STXBP5L: variants seen among roughly 807,000 people sequenced by gnomAD.
STXBP5L encodes the protein syntaxin binding protein 5L, also known as syntaxin-binding protein 5-like.
STXBP5L carries 65 observed loss-of-function variants against 144.5 expected under a neutral mutation model. The observed-to-expected ratio is 0.45, with a 90% confidence interval of 0.37 to 0.55. The LOEUF is 0.55. Among genes scored for constraint, STXBP5L ranks in the 20% least tolerant of loss-of-function variants. STXBP5L has a pLI of 0.00. For synonymous variants in STXBP5L, 505 were observed against 469.6 expected, an observed-to-expected ratio of 1.08 and a Z score of -0.97; for missense variants, 1,298 against 1,405.5, an observed-to-expected ratio of 0.92 and a Z score of 1.22.
At chr3:121,306,753 TAAG>T (rs1002016655) in intron 19 of STXBP5L, among the ~76,000 whole-genome samples, 3 of 152,180 alleles carry the variant, frequency 2.0e-5, no homozygotes, top group African/African-American at 7.2e-5. Flanking sequence ...ACGAGACTGC[TAAG>T]AAGAGCCTTC....
chr3:121,252,008 C>T (rs1223046968), intron 15 of STXBP5L, among the ~76,000 whole-genome samples: 1 of 152,138 alleles, frequency 6.6e-6, no homozygotes, highest in Non-Finnish European at 1.5e-5. Context: ...GAACAAAATT[C>T]ATTGCATAGT....
At chr3:120,967,225 A>C (rs1219890102) in intron 3 of STXBP5L, among the ~76,000 whole-genome samples, 1 of 152,120 alleles carries the variant, frequency 6.6e-6, no homozygotes, top group Non-Finnish European at 1.5e-5. Context: ...TGGCTAGGAA[A>C]GGGAAATTTC....
chr3:120,909,654 A>C lies in STXBP5L; in HGVS notation c.76A>C (p.Ser26Arg), dbSNP rs1708722330. Residue 26 changes from serine to arginine, a missense_variant, in exon 2 of 27, where the codon AGT (serine) becomes CGT (arginine). Physicochemically the swap from Ser to Arg is moderately radical, Grantham distance 110. Transcript: ENST00000471454. ...CCCTGGCAGTGGTAGCAGCAGTGGC[A>C]GTAACAGTGGTGGTGGGGCTGGAAG... ...SSPGSGSSSGSNSGGGAGSGS... is the reference protein window; with the variant it reads ...SSPGSGSSSGRNSGGGAGSGS... The C allele has an allele frequency of 1.2e-6, 2 of 1,613,890 alleles. No homozygotes were observed. Among genetic ancestry groups the C allele is most frequent in the Non-Finnish European group, 8.5e-7 (1 of 1,179,924 alleles).
intron 3 of STXBP5L, among the ~76,000 whole-genome samples, chr3:120,981,305 T>C (rs943177692): frequency 6.6e-6 from 1 of 152,152 alleles, no homozygotes; most frequent in African/African-American, 2.4e-5. Flanking sequence ...TTTAATACTT[T>C]TTACATCTTC....
chr3:121,309,787 A>T (rs971791687), intron 19 of STXBP5L, among the ~76,000 whole-genome samples: 2 of 152,162 alleles, frequency 1.3e-5, no homozygotes, highest in Non-Finnish European at 2.9e-5. Context: ...ACAGTCCTAT[A>T]AAAAAATCTA....
chr3:121,261,212 G>A (rs567561161), intron 18 of STXBP5L, among the ~76,000 whole-genome samples: 2 of 152,178 alleles, frequency 1.3e-5, no homozygotes, highest in East Asian at 1.9e-4. Flanking sequence ...GAACTGTGGA[G>A]GTGAAAGTTA....
At chr3:121,060,163 T>C (rs898078584) in intron 5 of STXBP5L, among the ~76,000 whole-genome samples, 3 of 152,226 alleles carry the variant, frequency 2.0e-5, no homozygotes, top group Admixed American at 2.0e-4. Context: ...CCTAGTTTAC[T>C]GAGTGTTTTT....
At chr3:121,377,549 G>A (rs1266328568) in intron 20 of STXBP5L, among the ~76,000 whole-genome samples, 1 of 152,126 alleles carries the variant, frequency 6.6e-6, no homozygotes, top group Non-Finnish European at 1.5e-5. Flanking sequence ...CTCAAAAGAA[G>A]TGGCCAAAAA....
intron 5 of STXBP5L, among the ~76,000 whole-genome samples, chr3:121,092,673 T>G (rs1330934396): frequency 6.6e-6 from 1 of 152,224 alleles, no homozygotes; most frequent in Non-Finnish European, 1.5e-5. Flanking sequence ...GATTTTGGGC[T>G]GAGACAGTGG....
At chr3:121,002,890 A>AT (rs1255841407) in intron 3 of STXBP5L, among the ~76,000 whole-genome samples, 2 of 152,012 alleles carry the variant, frequency 1.3e-5, no homozygotes, top group Non-Finnish European at 2.9e-5. Context: ...TGAACTCATC[A>AT]TTTTTTATGG....
At chr3:121,118,620 A>G (rs2044330432) in intron 6 of STXBP5L, among the ~76,000 whole-genome samples, 2 of 151,808 alleles carry the variant, frequency 1.3e-5, no homozygotes, top group East Asian at 3.9e-4. Context: ...TCTCAATCAA[A>G]TCTATATTTT....
intron 22 of STXBP5L, among the ~76,000 whole-genome samples, chr3:121,406,576 T>C (rs973159355): frequency 2.0e-5 from 3 of 152,022 alleles, no homozygotes; most frequent in Non-Finnish European, 4.4e-5. Flanking sequence ...CTGGCATACA[T>C]TGTCAACCTT....
At chr3:121,059,352 A>C (rs1006910640) in intron 5 of STXBP5L, among the ~76,000 whole-genome samples, 1 of 152,132 alleles carries the variant, frequency 6.6e-6, no homozygotes, top group Non-Finnish European at 1.5e-5. Context: ...TGTTACCAGT[A>C]CCATGGTGTT....
At chr3:121,026,618 A>T (rs549376636) in intron 3 of STXBP5L, among the ~76,000 whole-genome samples, 1 of 152,066 alleles carries the variant, frequency 6.6e-6, no homozygotes, top group Admixed American at 6.6e-5. Flanking sequence ...TGGATGACAA[A>T]GTTTGATGAA....
intron 18 of STXBP5L, among the ~76,000 whole-genome samples, chr3:121,279,580 A>C (rs1335416100): frequency 6.6e-6 from 1 of 151,884 alleles, no homozygotes; most frequent in Non-Finnish European, 1.5e-5. Flanking sequence ...CTGCTGGCAA[A>C]ATATAATTGC....
At chr3:121,214,930 T>C (rs2048719029) in intron 10 of STXBP5L, among the ~76,000 whole-genome samples, 1 of 152,222 alleles carries the variant, frequency 6.6e-6, no homozygotes, top group Non-Finnish European at 1.5e-5. Flanking sequence ...TTACCTCTTC[T>C]TCTTGCATTG....
intron 2 of STXBP5L, among the ~76,000 whole-genome samples, chr3:120,910,414 G>C (rs979325863): frequency 1.1e-4 from 16 of 152,146 alleles, no homozygotes; most frequent in Non-Finnish European, 2.1e-4. Context: ...CTGGTAGGTA[G>C]AGAAGATGAG....
chr3:120,992,374 T>G (rs1345465493), intron 3 of STXBP5L, among the ~76,000 whole-genome samples: 1 of 152,120 alleles, frequency 6.6e-6, no homozygotes, highest in African/African-American at 2.4e-5. Context: ...CACCCTACTC[T>G]GCTATTGAAC....
chr3:121,044,610 A>C (rs1231435624), intron 4 of STXBP5L, among the ~76,000 whole-genome samples: 2 of 152,188 alleles, frequency 1.3e-5, no homozygotes, highest in African/African-American at 4.8e-5. Context: ...GTGAATGGGT[A>C]AGCATCGACA....
Sources: gnomAD v4.1 joint callset for allele counts (sites outside exome capture counted in the v4.1 genomes callset) on GRCh38, gnomAD v4.1.1 for gene constraint, MANE v1.5 for transcripts, NCBI Gene and HGNC (gene_info 2026-07-23, HGNC 2026-07-21) for gene names.